BRINP3: variants seen among roughly 807,000 people sequenced by gnomAD.
BRINP3 encodes the protein BMP/retinoic acid inducible neural specific 3, also known as BMP/retinoic acid-inducible neural-specific protein 3.
In BRINP3, 19 loss-of-function variants were observed where a neutral mutation model predicts 71.0. The ratio of observed to expected loss-of-function variants is 0.27; its 90% confidence interval spans 0.19 to 0.39. The LOEUF is 0.39. Among genes scored for constraint, BRINP3 ranks in the 10% least tolerant of loss-of-function variants. The pLI is 1.00. For missense variants in BRINP3, 959 were observed against 940.8 expected (o/e 1.02, Z -0.25); for synonymous variants, 380 against 337.7 (o/e 1.13, Z -1.37).
At chr1:190,135,550 T>C (rs1225432148) in intron 7 of BRINP3, among the ~76,000 whole-genome samples, 17 of 152,136 alleles carry the variant, frequency 1.1e-4, no homozygotes, top group Admixed American at 1.1e-3. Flanking sequence ...ATCATAATTG[T>C]GTACATTTCA....
intron 6 of BRINP3, among the ~76,000 whole-genome samples, chr1:190,218,055 A>G (rs1044440964): frequency 6.6e-6 from 1 of 151,980 alleles, no homozygotes; most frequent in African/African-American, 2.4e-5. Context: ...ATTTTATTAA[A>G]TTACACGAAT....
In BRINP3 at chr1:190,104,559, C is replaced by T. The variant is rs113986806; in HGVS notation, c.1185-5425G>A. On this transcript the variant is annotated intron_variant, in intron 7 of 7. Coordinates refer to ENST00000367462, the MANE Select transcript of BRINP3 (RefSeq NM_199051.3). ...TTCTCTTCAACAATTCATGCACTCACGCATAGTATTACACTATATACCTGT... is the reference window on the plus strand; with the variant it reads ...TTCTCTTCAACAATTCATGCACTCATGCATAGTATTACACTATATACCTGT... Among the ~76,000 whole-genome samples, 19 of 151,936 alleles carry T rather than the reference C, an allele frequency of 1.3e-4. 1 individual carries two copies. The highest frequency in any genetic ancestry group is 7.2e-4 in the Admixed American group (11 of 15,240).
intron 7 of BRINP3, among the ~76,000 whole-genome samples, chr1:190,101,480 A>G (rs966288387): frequency 4.6e-5 from 7 of 152,128 alleles, no homozygotes; most frequent in Non-Finnish European, 1.0e-4. Flanking sequence ...CAGATTCATC[A>G]TTTACAGTTA....
At chr1:190,360,073 C>T (rs1669035827) in intron 2 of BRINP3, among the ~76,000 whole-genome samples, 2 of 152,174 alleles carry the variant, frequency 1.3e-5, no homozygotes, top group African/African-American at 4.8e-5. Flanking sequence ...AATTGTTCAT[C>T]ATTTCCACTA....
chr1:190,398,913 A>G (rs1047683024), intron 2 of BRINP3, among the ~76,000 whole-genome samples: 2 of 151,874 alleles, frequency 1.3e-5, no homozygotes, highest in Non-Finnish European at 2.9e-5. Flanking sequence ...TTTTTGATCC[A>G]TCTCTTCCCA....
At chr1:190,133,907 T>G (rs771730017) in intron 7 of BRINP3, among the ~76,000 whole-genome samples, 1 of 151,998 alleles carries the variant, frequency 6.6e-6, no homozygotes, top group Non-Finnish European at 1.5e-5. Context: ...AATCTCTGTA[T>G]GTAAGTTAAA....
intron 2 of BRINP3, among the ~76,000 whole-genome samples, chr1:190,376,241 G>T (rs556910233): frequency 1.2e-4 from 19 of 152,036 alleles, no homozygotes; most frequent in Middle Eastern, 3.4e-3. Flanking sequence ...GTGTTCTGAG[G>T]CTGTTTCAGT....
chr1:190,162,033 C>G (rs142715113), intron 6 of BRINP3, among the ~76,000 whole-genome samples: 1 of 151,958 alleles, frequency 6.6e-6, no homozygotes, highest in African/African-American at 2.4e-5. Flanking sequence ...GGCATCTTTA[C>G]GGCATTGAAG....
Position 190,334,246 on chromosome 1 carries a change from T to C in BRINP3, c.237-52496A>G, listed in dbSNP as rs921938607. On this transcript the variant is annotated intron_variant, in intron 2 of 7. Transcript: ENST00000367462. The stretch of plus-strand genomic sequence containing the variant: ...TTCAATCTTTTTTCAAGTTTTCTTG[T>C]TTTTGAAGGCCCCTGCCCACGCTAC... Among the ~76,000 whole-genome samples the C allele has an allele frequency of 7.2e-5, 11 of 151,850 alleles. No homozygotes were observed. In the South Asian group the frequency reaches 2.1e-3, roughly 29 times the overall value.
At chr1:190,170,487 G>A (rs1651918002) in intron 6 of BRINP3, among the ~76,000 whole-genome samples, 1 of 152,036 alleles carries the variant, frequency 6.6e-6, no homozygotes. Context: ...TAGTTCATGT[G>A]GAAAAGCAGT....
chr1:190,181,895 G>A (rs2102538041), intron 6 of BRINP3, among the ~76,000 whole-genome samples: 1 of 151,888 alleles, frequency 6.6e-6, no homozygotes, highest in East Asian at 1.9e-4. Flanking sequence ...ATTTAGGGAG[G>A]TCTTTAGTGA....
chr1:190,329,838 A>T (rs921097782), intron 2 of BRINP3, among the ~76,000 whole-genome samples: 2 of 151,964 alleles, frequency 1.3e-5, no homozygotes, highest in Non-Finnish European at 2.9e-5. Context: ...ATAAATCCAC[A>T]TACCTAGAGC....
intron 6 of BRINP3, among the ~76,000 whole-genome samples, chr1:190,165,149 A>G (rs1053896908): frequency 2.6e-5 from 4 of 152,076 alleles, no homozygotes; most frequent in African/African-American, 9.7e-5. Flanking sequence ...AGAAAAAAAC[A>G]TATGTCTGAT....
At chr1:190,172,474 T>C (rs1052427606) in intron 6 of BRINP3, among the ~76,000 whole-genome samples, 1 of 152,138 alleles carries the variant, frequency 6.6e-6, no homozygotes, top group Admixed American at 6.6e-5. Flanking sequence ...TGGACTTTAT[T>C]GAATAAAAAC....
At chr1:190,280,999 C>T (rs1254936741) in intron 3 of BRINP3, among the ~76,000 whole-genome samples, 1 of 151,860 alleles carries the variant, frequency 6.6e-6, no homozygotes, top group African/African-American at 2.4e-5. Context: ...CAATATCACA[C>T]AATAGCTTCC....
intron 7 of BRINP3, among the ~76,000 whole-genome samples, chr1:190,143,632 C>T (rs540659144): frequency 6.6e-6 from 1 of 152,132 alleles, no homozygotes; most frequent in Non-Finnish European, 1.5e-5. Flanking sequence ...AATCCAAAAA[C>T]ATTTAATGAC....
At chr1:190,306,792 A>T (rs1414772028) in intron 2 of BRINP3, among the ~76,000 whole-genome samples, 4 of 152,110 alleles carry the variant, frequency 2.6e-5, no homozygotes, top group African/African-American at 9.6e-5. Context: ...AAAGTGGGTT[A>T]TATAAATGTA....
intron 7 of BRINP3, among the ~76,000 whole-genome samples, chr1:190,155,098 C>A (rs1656751541): frequency 6.6e-6 from 1 of 151,878 alleles, no homozygotes; most frequent in Admixed American, 6.6e-5. Context: ...TTTGTTATTG[C>A]CTACTGAAAT....
intron 2 of BRINP3, among the ~76,000 whole-genome samples, chr1:190,292,336 A>G (rs1663931437): frequency 6.6e-6 from 1 of 152,134 alleles, no homozygotes; most frequent in African/African-American, 2.4e-5. Flanking sequence ...GAGTCACTCT[A>G]CATGACAAGA....
Sources: allele counts gnomAD v4.1 joint callset (sites outside exome capture counted in the v4.1 genomes callset), GRCh38; gene constraint gnomAD v4.1.1; transcripts MANE v1.5; gene names NCBI Gene and HGNC (gene_info 2026-07-23, HGNC 2026-07-21).